MAP3K20: variants seen among roughly 807,000 people sequenced by gnomAD.
The protein encoded by MAP3K20 is mitogen-activated protein kinase kinase kinase 20, also known as HCCS-4.
In MAP3K20, 40 loss-of-function variants were observed where a neutral mutation model predicts 85.7. That is an observed-to-expected ratio of 0.47 (90% CI 0.36 to 0.61). MAP3K20 has a LOEUF of 0.61. Ranked by LOEUF, MAP3K20 falls within the 20% of genes least tolerant of loss-of-function variation. The probability of loss-of-function intolerance (pLI) is 0.00; values close to 1 mark genes in which losing one functional copy is unlikely to be tolerated. For synonymous variants in MAP3K20, 325 were observed against 327.7 expected (o/e 0.99, Z 0.09); for missense variants, 817 against 961.7 (o/e 0.85, Z 1.99).
At chr2:173,098,182 A>T (rs1039870173) in intron 2 of MAP3K20, among the ~76,000 whole-genome samples, 1 of 152,230 alleles carries the variant, frequency 6.6e-6, no homozygotes, top group Non-Finnish European at 1.5e-5. Flanking sequence ...GACAATCGCT[A>T]TTGAGTTCTG....
chr2:173,129,748 T>C (rs1353673908), intron 2 of MAP3K20, among the ~76,000 whole-genome samples: 2 of 152,234 alleles, frequency 1.3e-5, no homozygotes, highest in Non-Finnish European at 2.9e-5. Context: ...TTATCTATAC[T>C]TGACCTATTA....
At chr2:173,135,829 G>C (rs746139691) in intron 2 of MAP3K20, among the ~76,000 whole-genome samples, 2 of 152,102 alleles carry the variant, frequency 1.3e-5, no homozygotes, top group Non-Finnish European at 2.9e-5. Context: ...CCTTTTCCTT[G>C]ATATGAGTGA....
chr2:173,119,729 C>G (rs924810122), intron 2 of MAP3K20, among the ~76,000 whole-genome samples: 1 of 152,172 alleles, frequency 6.6e-6, no homozygotes, highest in African/African-American at 2.4e-5. Context: ...TGAAACAGTT[C>G]TATTTTTTCA....
intron 2 of MAP3K20, among the ~76,000 whole-genome samples, chr2:173,111,508 T>C (rs1687973810): frequency 6.6e-6 from 1 of 152,244 alleles, no homozygotes; most frequent in African/African-American, 2.4e-5. Context: ...TAAGCCAATG[T>C]CTAGAAGGGT....
chr2:173,108,926 A>G (rs1687862614), intron 2 of MAP3K20, among the ~76,000 whole-genome samples: 1 of 152,200 alleles, frequency 6.6e-6, no homozygotes, highest in Non-Finnish European at 1.5e-5. Context: ...GACAGTAAAA[A>G]ATCTTTATAA....
intron 2 of MAP3K20, among the ~76,000 whole-genome samples, chr2:173,137,031 T>C (rs1008150309): frequency 6.6e-6 from 1 of 152,234 alleles, no homozygotes; most frequent in African/African-American, 2.4e-5. Context: ...AGAGTAGCGA[T>C]GAAAATTTTT....
At chr2:173,260,610 G>T (rs1685269660) in intron 17 of MAP3K20, among the ~76,000 whole-genome samples, 1 of 152,152 alleles carries the variant, frequency 6.6e-6, no homozygotes, top group Non-Finnish European at 1.5e-5. Context: ...GTGCAGCTTT[G>T]CTGGATAGTG....
At chr2:173,221,459 T>C (rs141852679) in intron 11 of MAP3K20, 25 of 1,613,262 alleles carry the variant, frequency 1.5e-5, no homozygotes, top group Non-Finnish European at 1.9e-5. Flanking sequence ...TGATTTTGAC[T>C]TGTCAGAAGG....
intron 14 of MAP3K20, among the ~76,000 whole-genome samples, chr2:173,235,883 G>A (rs1684635687): frequency 6.6e-6 from 1 of 152,174 alleles, no homozygotes; most frequent in Non-Finnish European, 1.5e-5. Context: ...AGGAAGACAG[G>A]AATATCTGTC....
rs1198281408 is a variant in MAP3K20, at chr2:173,263,914, A to G, written c.1702+19A>G. On this transcript the variant is annotated intron_variant, in intron 19 of 19. Transcript: ENST00000375213. ...GACTCAAGTAAGTTAGTGTTCCCGT[A>G]TTAGATGTGTGCTAGATTCCAGAAA... 2 of 1,599,256 alleles carry G rather than the reference A, an allele frequency of 1.3e-6. No individual in the cohort carries two copies. The highest frequency in any genetic ancestry group is 4.5e-5 in the East Asian group (2 of 44,666).
At chr2:173,091,440 A>T (rs1369666175) in intron 2 of MAP3K20, among the ~76,000 whole-genome samples, 1 of 152,102 alleles carries the variant, frequency 6.6e-6, no homozygotes, top group Non-Finnish European at 1.5e-5. Flanking sequence ...GAAAGACCAA[A>T]TGTTCTCTGA....
chr2:173,134,091 G>T (rs1256618813), intron 2 of MAP3K20, among the ~76,000 whole-genome samples: 1 of 151,330 alleles, frequency 6.6e-6, no homozygotes, highest in African/African-American at 2.4e-5. Context: ...GAGATTCTCA[G>T]TATGGGATTA....
chr2:173,164,028 C>T (rs1317839226), intron 2 of MAP3K20, among the ~76,000 whole-genome samples: 2 of 151,644 alleles, frequency 1.3e-5, no homozygotes, highest in East Asian at 1.9e-4. Flanking sequence ...GGTGCAATCT[C>T]GGCTCACTGC....
At chr2:173,225,180 TGA>T (rs1684350800) in intron 11 of MAP3K20, 1 of 981,592 alleles carries the variant, frequency 1.0e-6, no homozygotes, top group Non-Finnish European at 1.2e-6. Flanking sequence ...GAATGGTGTT[TGA>T]GAGTGTTGGG....
rs371455672 is a variant in MAP3K20 at position 173,105,870 on chromosome 2, G to A, written c.159+14680G>A. On this transcript the variant is annotated intron_variant, in intron 2 of 19. Coordinates refer to ENST00000375213, the MANE Select transcript of MAP3K20 (RefSeq NM_016653.3). Reference sequence around the variant, plus strand: ...GCACAACAGTGTGAGTGTAATTAACGCCCCTGAATTATGCACTTAAAATGG... The same window carrying A: ...GCACAACAGTGTGAGTGTAATTAACACCCCTGAATTATGCACTTAAAATGG... Among the ~76,000 whole-genome samples, 14 of 152,184 alleles carry A rather than the reference G, an allele frequency of 9.2e-5. No homozygotes were observed. In the East Asian group the frequency reaches 1.2e-3, roughly 13 times the overall value.
intron 2 of MAP3K20, among the ~76,000 whole-genome samples, chr2:173,151,174 TA>T (rs1485472857): frequency 6.6e-6 from 1 of 151,948 alleles, no homozygotes; most frequent in East Asian, 1.9e-4. Context: ...GTAGAGAAGT[TA>T]GAACCCACAA....
At chr2:173,168,782 A>G (rs997972144) in intron 2 of MAP3K20, among the ~76,000 whole-genome samples, 4 of 152,146 alleles carry the variant, frequency 2.6e-5, no homozygotes, top group African/African-American at 9.7e-5. Flanking sequence ...TTTTATCTCC[A>G]TAAAAGTCAT....
intron 18 of MAP3K20, among the ~76,000 whole-genome samples, chr2:173,262,010 C>A (rs1211076664): frequency 1.4e-5 from 2 of 146,018 alleles, no homozygotes; most frequent in East Asian, 3.9e-4. Flanking sequence ...CAGTGAGACC[C>A]CTGTCTCCAG....
At chr2:173,148,569 A>G (rs1230994987) in intron 2 of MAP3K20, among the ~76,000 whole-genome samples, 1 of 152,210 alleles carries the variant, frequency 6.6e-6, no homozygotes, top group Non-Finnish European at 1.5e-5. Flanking sequence ...AATCTAGGAC[A>G]GCAGGAAAGA....
Sources: allele counts gnomAD v4.1 joint callset (sites outside exome capture counted in the v4.1 genomes callset), GRCh38; gene constraint gnomAD v4.1.1; transcripts MANE v1.5; gene names NCBI Gene and HGNC (gene_info 2026-07-23, HGNC 2026-07-21).